Variants in ATXN1 observed in about 807,000 individuals in gnomAD.
ATXN1 encodes ataxin 1.
ATXN1 carries 8 observed loss-of-function variants against 56.4 expected under a neutral mutation model. The observed-to-expected ratio is 0.14, with a 90% CI of 0.08 to 0.26. The LOEUF is 0.26. Among genes scored for constraint, ATXN1 ranks in the 10% least tolerant of loss-of-function variants. The pLI, the probability that ATXN1 is intolerant of heterozygous loss-of-function variation, is 1.00. For synonymous variants in ATXN1, 514 were observed against 494.6 expected (o/e 1.04, Z -0.52); for missense variants, 987 against 1,106.5 (o/e 0.89, Z 1.53).
intron 6 of ATXN1, among the ~76,000 whole-genome samples, chr6:16,467,498 G>A (rs145136167): frequency 1.3e-3 from 203 of 152,266 alleles, no homozygotes; most frequent in South Asian, 8.1e-3. Context: ...GTGTTTCTTC[G>A]GGTGGGGGAT....
chr6:16,429,462 G>A (rs1759233375), intron 6 of ATXN1, among the ~76,000 whole-genome samples: 1 of 131,214 alleles, frequency 7.6e-6, no homozygotes, highest in Non-Finnish European at 1.6e-5. Flanking sequence ...GTCTCCTCCA[G>A]GCTGGAGTGC....
At chr6:16,437,608 T>C (rs961231432) in intron 6 of ATXN1, among the ~76,000 whole-genome samples, 4 of 152,244 alleles carry the variant, frequency 2.6e-5, no homozygotes, top group African/African-American at 9.6e-5. Context: ...ACTCCCTGGA[T>C]ACTTTTGTTG....
At chr6:16,509,871 T>C (rs1045535387) in intron 5 of ATXN1, among the ~76,000 whole-genome samples, 3 of 152,176 alleles carry the variant, frequency 2.0e-5, no homozygotes, top group African/African-American at 4.8e-5. Context: ...CTTTTCCCCA[T>C]CACAGGCATA....
At chr6:16,549,952 G>A (rs1228481275) in intron 4 of ATXN1, among the ~76,000 whole-genome samples, 5 of 145,984 alleles carry the variant, frequency 3.4e-5, no homozygotes, top group African/African-American at 1.3e-4. Context: ...ATAAGTGGGA[G>A]TTGAAAAATG....
chr6:16,607,088 A>AGGCTG (rs1763024119), intron 3 of ATXN1, among the ~76,000 whole-genome samples: 1 of 151,814 alleles, frequency 6.6e-6, no homozygotes. Flanking sequence ...GGGTTTCACC[A>AGGCTG]GTTTAAAACT....
In ATXN1 at chr6:16,317,364, G is replaced by A. The variant is rs575260209; in HGVS notation, c.1917+9030C>T. Among the ~76,000 whole-genome samples, 205 of 150,714 alleles carry A rather than the reference G, an allele frequency of 1.4e-3. 1 individual carries two copies. The highest frequency in any genetic ancestry group is 2.6e-3 in the Non-Finnish European group (173 of 67,836). ...TTTTGAGACAGAGTCTCACTCTGTC[G>A]CCAAGGCTAGAGTGTAGTGGTGCCA... On this transcript the variant is annotated intron_variant, in intron 7 of 7. Coordinates refer to ENST00000436367, the MANE Select transcript of ATXN1 (RefSeq NM_001128164.2).
At chr6:16,753,723 T>C (rs187212138) in intron 1 of ATXN1, among the ~76,000 whole-genome samples, 3 of 152,314 alleles carry the variant, frequency 2.0e-5, no homozygotes, top group East Asian at 3.9e-4. Context: ...TGAATAGTAA[T>C]TGAGCCAAAG....
intron 5 of ATXN1, among the ~76,000 whole-genome samples, chr6:16,487,927 T>C (rs1760582832): frequency 6.6e-6 from 1 of 152,228 alleles, no homozygotes; most frequent in Admixed American, 6.5e-5. Context: ...GTCTGTATTA[T>C]ACGAACTGAT....
At chr6:16,551,987 T>C (rs898948329) in intron 4 of ATXN1, among the ~76,000 whole-genome samples, 1 of 152,244 alleles carries the variant, frequency 6.6e-6, no homozygotes, top group Non-Finnish European at 1.5e-5. Flanking sequence ...GTGCTCGGGC[T>C]GTGAAACTGC....
intron 2 of ATXN1, among the ~76,000 whole-genome samples, chr6:16,744,599 G>C (rs1760462619): frequency 2.0e-5 from 3 of 152,172 alleles, no homozygotes; most frequent in Admixed American, 2.0e-4. Context: ...GCACAGGGTG[G>C]GTGAGAATCA....
intron 3 of ATXN1, among the ~76,000 whole-genome samples, chr6:16,617,866 T>A (rs1213736170): frequency 6.6e-6 from 1 of 151,570 alleles, no homozygotes; most frequent in Non-Finnish European, 1.5e-5. Context: ...GGCAAAAGAC[T>A]AATAAATACA....
At chr6:16,650,669 A>G (rs1362592428) in intron 3 of ATXN1, among the ~76,000 whole-genome samples, 1 of 152,162 alleles carries the variant, frequency 6.6e-6, no homozygotes, top group African/African-American at 2.4e-5. Flanking sequence ...ACCTACCTGG[A>G]TGTGTAAACA....
chr6:16,521,534 G>A (rs531900928), intron 5 of ATXN1, among the ~76,000 whole-genome samples: 1 of 152,330 alleles, frequency 6.6e-6, no homozygotes, highest in East Asian at 1.9e-4. Context: ...CTCCAGCCTG[G>A]GCGACAGAGG....
intron 6 of ATXN1, among the ~76,000 whole-genome samples, chr6:16,438,724 G>A (rs1291343126): frequency 6.6e-6 from 1 of 152,162 alleles, no homozygotes; most frequent in East Asian, 1.9e-4. Flanking sequence ...GAGGATCTCA[G>A]AATAATATTT....
At chr6:16,612,560 C>T (rs1205014855) in intron 3 of ATXN1, among the ~76,000 whole-genome samples, 1 of 151,966 alleles carries the variant, frequency 6.6e-6, no homozygotes, top group Non-Finnish European at 1.5e-5. Context: ...GTATTTTTAT[C>T]ATTAAGAAAA....
chr6:16,347,821 T>G (rs1289842265), intron 6 of ATXN1, among the ~76,000 whole-genome samples: 1 of 152,220 alleles, frequency 6.6e-6, no homozygotes, highest in East Asian at 1.9e-4. Context: ...AAAAGCAGGC[T>G]GCCCGAGCCA....
chr6:16,479,863 C>T (rs2113648790), intron 6 of ATXN1, among the ~76,000 whole-genome samples: 1 of 152,120 alleles, frequency 6.6e-6, no homozygotes, highest in South Asian at 2.1e-4. Flanking sequence ...TATAAAGATC[C>T]AAAATGTGCC....
intron 6 of ATXN1, among the ~76,000 whole-genome samples, chr6:16,428,573 CACA>C (rs1013865631): frequency 2.0e-5 from 3 of 152,030 alleles, no homozygotes; most frequent in Non-Finnish European, 4.4e-5. Flanking sequence ...ATTTAATTAT[CACA>C]ACAACTTTTT....
At chr6:16,538,271 T>C (rs561821767) in intron 4 of ATXN1, among the ~76,000 whole-genome samples, 1 of 152,312 alleles carries the variant, frequency 6.6e-6, no homozygotes, top group Admixed American at 6.5e-5. Flanking sequence ...TGTTTTCAGA[T>C]ATAAAATTTA....
Sources: gnomAD v4.1 joint callset for allele counts (sites outside exome capture counted in the v4.1 genomes callset) on GRCh38, gnomAD v4.1.1 for gene constraint, MANE v1.5 for transcripts, NCBI Gene and HGNC (gene_info 2026-07-23, HGNC 2026-07-21) for gene names.